ANKS1B: variants seen among roughly 807,000 people sequenced by gnomAD.
ANKS1B encodes ankyrin repeat and sterile alpha motif domain containing 1B, also known as ankyrin repeat and sterile alpha motif domain-containing protein 1B.
ANKS1B carries 36 observed loss-of-function variants against 148.3 expected under a neutral mutation model. That is an observed-to-expected ratio of 0.24 (90% confidence interval 0.19 to 0.32). The LOEUF is 0.32. ANKS1B is among the 10% of genes least tolerant of loss of function. ANKS1B has a pLI of 1.00. For missense variants in ANKS1B, 1,157 were observed against 1,542.6 expected (o/e 0.75, Z 4.19); for synonymous variants, 542 against 560.8 (o/e 0.97, Z 0.47).
chr12:99,195,950 A>T (rs901764245), intron 14 of ANKS1B, among the ~76,000 whole-genome samples: 4 of 152,144 alleles, frequency 2.6e-5, no homozygotes, highest in South Asian at 4.1e-4. Flanking sequence ...ATATGCAAAG[A>T]TACCTAAAGG....
chr12:99,772,903 T>C lies in ANKS1B; in HGVS notation c.1128+19A>G, dbSNP rs1567819331. The C allele has an allele frequency of 2.5e-6, 4 of 1,600,200 alleles. No individual in the cohort carries two copies. The highest frequency in any genetic ancestry group is 1.3e-5 in the African/African-American group (1 of 74,230). On this transcript the variant is annotated intron_variant, in intron 8 of 26. Coordinates refer to ENST00000683438, the MANE Select transcript of ANKS1B (RefSeq NM_001352186.2). Reference sequence around the variant, plus strand: ...GCAAAGACAGACACATTATCTTCATTCCCCCCCGCCTTACTTACTACACTC... The same window carrying C: ...GCAAAGACAGACACATTATCTTCATCCCCCCCCGCCTTACTTACTACACTC...
rs2098076384 is a variant in ANKS1B at position 98,751,013 on chromosome 12, G to C, written c.3747+342C>G. On this transcript the variant is annotated intron_variant, in intron 26 of 26. Coordinates refer to ENST00000683438, the MANE Select transcript of ANKS1B (RefSeq NM_001352186.2). The surrounding 1 kb of genome is among the most constrained non-coding windows in gnomAD (Gnocchi z 4.3). The stretch of plus-strand genomic sequence containing the variant: ...AGGAGGCTTTGCCCTCTGATGGGAT[G>C]GCAGCTGAAGCCCCAGGGAACACTG... Among the ~76,000 whole-genome samples, 1 of 152,196 alleles carries C rather than the reference G, an allele frequency of 6.6e-6. No homozygotes were observed. The highest frequency in any genetic ancestry group is 1.5e-5 in the Non-Finnish European group (1 of 68,018).
intron 10 of ANKS1B, among the ~76,000 whole-genome samples, chr12:99,472,786 A>G (rs947007616): frequency 6.6e-6 from 1 of 152,118 alleles, no homozygotes; most frequent in African/African-American, 2.4e-5. Flanking sequence ...AAGAAAGCCT[A>G]TGAGTTAAAC....
intron 15 of ANKS1B, among the ~76,000 whole-genome samples, chr12:99,093,894 A>G (rs893416562): frequency 6.6e-6 from 1 of 152,184 alleles, no homozygotes; most frequent in East Asian, 1.9e-4. Flanking sequence ...GTTTATTCTT[A>G]AGGGTGAAGG....
chr12:99,537,838 A>T (rs1354749448), intron 9 of ANKS1B, among the ~76,000 whole-genome samples: 1 of 152,126 alleles, frequency 6.6e-6, no homozygotes, highest in East Asian at 1.9e-4. Context: ...TGCCCAGACC[A>T]ATGTCCTGGA....
intron 15 of ANKS1B, among the ~76,000 whole-genome samples, chr12:99,145,093 C>T (rs914786966): frequency 6.6e-6 from 1 of 152,066 alleles, no homozygotes; most frequent in Non-Finnish European, 1.5e-5. Context: ...GAAGCAGATA[C>T]TTCAGTCCCA....
At chr12:99,077,711 G>C (rs1045861904) in intron 16 of ANKS1B, among the ~76,000 whole-genome samples, 4 of 152,166 alleles carry the variant, frequency 2.6e-5, no homozygotes, top group African/African-American at 4.8e-5. Context: ...GAATGACTCT[G>C]TTCTCTTGAA....
At chr12:99,840,665 G>A (rs533890594) in intron 1 of ANKS1B, among the ~76,000 whole-genome samples, 11 of 152,206 alleles carry the variant, frequency 7.2e-5, no homozygotes, top group Non-Finnish European at 1.5e-4. Flanking sequence ...GAAGGACTGC[G>A]AGATTTCTGT....
At chr12:99,302,965 G>A (rs1003882237) in intron 12 of ANKS1B, among the ~76,000 whole-genome samples, 1 of 152,100 alleles carries the variant, frequency 6.6e-6, no homozygotes, top group Non-Finnish European at 1.5e-5. Flanking sequence ...TAGTTATTAT[G>A]TTCTTTAGGC....
rs147169804 is a variant in ANKS1B at position 98,872,606 on chromosome 12, A to T, written c.2779-40470T>A. ...TTAGGGTAAGCCCTAATCCCATAAA[A>T]CTGGTGTCCTATTGAGATTAAAACA... is the stretch of plus-strand genomic sequence containing the variant. On this transcript the variant is annotated intron_variant, in intron 17 of 26. Coordinates refer to ENST00000683438, the MANE Select transcript of ANKS1B (RefSeq NM_001352186.2). Among the ~76,000 whole-genome samples, 56 of 152,272 alleles carry T rather than the reference A, an allele frequency of 3.7e-4. 1 individual carries two copies. The East Asian group carries it at 0.01, about 28-fold the overall frequency.
intron 9 of ANKS1B, chr12:99,648,483 C>T (rs1214949900): frequency 4.3e-6 from 7 of 1,614,138 alleles, no homozygotes; most frequent in Non-Finnish European, 5.9e-6. Context: ...GTGGTCCTGC[C>T]ACCCAGAAAA....
At chr12:99,117,903 A>G (rs963840175) in intron 15 of ANKS1B, among the ~76,000 whole-genome samples, 1 of 152,152 alleles carries the variant, frequency 6.6e-6, no homozygotes, top group African/African-American at 2.4e-5. Context: ...CAGGGATTCA[A>G]CTTCTTCCTG....
At chr12:99,465,655 A>T (rs2096091590) in intron 10 of ANKS1B, among the ~76,000 whole-genome samples, 1 of 152,228 alleles carries the variant, frequency 6.6e-6, no homozygotes, top group African/African-American at 2.4e-5. Context: ...AGTCTCTGAT[A>T]AAACAGACTT....
chr12:98,960,969 AAAG>A (rs2099870340), intron 17 of ANKS1B, among the ~76,000 whole-genome samples: 1 of 152,160 alleles, frequency 6.6e-6, no homozygotes, highest in Admixed American at 6.5e-5. Context: ...GGAGGAGACA[AAAG>A]AAAAAAAGAA....
At chr12:99,472,694 T>C (rs1347638907) in intron 10 of ANKS1B, among the ~76,000 whole-genome samples, 1 of 152,068 alleles carries the variant, frequency 6.6e-6, no homozygotes, top group East Asian at 1.9e-4. Context: ...TAAAAAAGGC[T>C]TCCAGAGACT....
intron 8 of ANKS1B, among the ~76,000 whole-genome samples, chr12:99,690,525 T>C (rs922348709): frequency 5.9e-5 from 9 of 152,130 alleles, no homozygotes; most frequent in African/African-American, 2.2e-4. Flanking sequence ...AATATAGCCA[T>C]TCCAAATGGG....
At chr12:98,887,729 T>G (rs1369886122) in intron 17 of ANKS1B, among the ~76,000 whole-genome samples, 1 of 152,102 alleles carries the variant, frequency 6.6e-6, no homozygotes, top group Non-Finnish European at 1.5e-5. Flanking sequence ...TGCCTCAGCC[T>G]CCTGAGTAGT....
rs869064302 is a variant in ANKS1B, at chr12:99,058,719, C to CTTT, written c.2626-5413_2626-5411dup. ...TTCTCCTAATGAAATTCTATCTATCCTTTTTTTTTTTTTTTTTTTTTTTTT... is the reference window on the plus strand; with the variant it reads ...TTCTCCTAATGAAATTCTATCTATCCTTTTTTTTTTTTTTTTTTTTTTTTTTTT... On this transcript the variant is annotated intron_variant, in intron 16 of 26. Transcript: ENST00000683438. 7.9e-4 allele frequency among the ~76,000 whole-genome samples: 64 copies of CTTT among 80,678 alleles called. 9 individuals carry two copies. The highest frequency in any genetic ancestry group is 1.1e-3 in the African/African-American group (21 of 19,580). The allele number at this position is 80,678 out of a possible 152,430, so 52.9% of individuals were successfully genotyped here.
intron 1 of ANKS1B, among the ~76,000 whole-genome samples, chr12:99,901,552 CAACCCTCTCCA>C (rs1163145931): frequency 6.6e-6 from 1 of 152,172 alleles, no homozygotes; most frequent in Non-Finnish European, 1.5e-5. Context: ...ATGTGCCCCC[CAACCCTCTCCA>C]GGATTATTCT....
Sources: gnomAD v4.1 joint callset for allele counts (sites outside exome capture counted in the v4.1 genomes callset) on GRCh38, gnomAD v4.1.1 for gene constraint, Gnocchi (gnomAD v3.1) non-coding constraint, MANE v1.5 for transcripts, NCBI Gene and HGNC (gene_info 2026-07-23, HGNC 2026-07-21) for gene names.